The following CRMP1 variants were observed in gnomAD, a reference collection of about 807,000 sequenced individuals.
CRMP1 encodes the protein dihydropyrimidinase-related protein 1.
In CRMP1, 19 loss-of-function variants were observed where a neutral mutation model predicts 68.3. The observed-to-expected ratio is 0.28, with a 90% CI of 0.19 to 0.41. CRMP1 has a LOEUF of 0.41. Among genes scored for constraint, CRMP1 ranks in the 10% least tolerant of loss-of-function variants. CRMP1 has a pLI of 1.00. For missense variants in CRMP1, 791 were observed against 967.4 expected (o/e 0.82, Z 2.42); for synonymous variants, 439 against 399.6 (o/e 1.10, Z -1.18).
rs59152465 is a variant in CRMP1 at position 5,891,212 on chromosome 4, A to ACACACACACACACC, written c.381+1376_381+1377insGGTGTGTGTGTGTG. Among the ~76,000 whole-genome samples, 37 of 147,232 alleles carry ACACACACACACACC rather than the reference A, an allele frequency of 2.5e-4. No homozygotes were observed. The highest frequency in any genetic ancestry group is 7.7e-4 in the African/African-American group (30 of 39,078). ...CACACACACACACACACACACACAC[A>ACACACACACACACC]CCCTTGCTGTTGGACCTCTCCCTCG... On this transcript the variant is annotated intron_variant, in intron 1 of 13. Coordinates refer to ENST00000324989, the MANE Select transcript of CRMP1 (RefSeq NM_001014809.3). This position sits in a 1 kb window ranked among gnomAD's most constrained non-coding sequence, Gnocchi z 5.2.
Position 5,889,565 on chromosome 4 carries a change from A to G in CRMP1, c.381+3024T>C, listed in dbSNP as rs1162728602. ...AAGATGGAGGAAAAGGGGGAGCCCC[A>G]GCAAGCCCCAACCTCACTGGACAGG... On this transcript the variant is annotated intron_variant, in intron 1 of 13. Transcript: ENST00000324989. This position sits in a 1 kb window ranked among gnomAD's most constrained non-coding sequence, Gnocchi z 4.5. 19 of 1,535,670 alleles carry G rather than the reference A, an allele frequency of 1.2e-5. No homozygotes were observed. Among genetic ancestry groups the G allele is most frequent in the Non-Finnish European group, 1.7e-5 (19 of 1,146,594 alleles).
rs1022120190 is a variant in CRMP1 at position 5,839,571 on chromosome 4, G to T, written c.1261C>A (p.Leu421Met). 2.5e-6 allele frequency: 4 copies of T among 1,612,528 alleles called. No homozygotes were observed. Among genetic ancestry groups the T allele is most frequent in the African/African-American group, 1.3e-5 (1 of 75,040 alleles). The change falls in exon 9 of 14, where the codon CTG becomes ATG. Residue 421 changes from leucine (L) to methionine (M), a missense_variant. Leu to Met is a conservative substitution (Grantham distance 15). Around this residue, in one of 3 missense-constraint regions of CRMP1, gnomAD observed 594 missense variants for 763.6 expected, o/e 0.78. Coordinates refer to ENST00000324989, the MANE Select transcript of CRMP1 (RefSeq NM_001014809.3). Reference protein sequence around the residue: ...KAAAFVTSPPLSPDPTTPDYL... With the variant: ...KAAAFVTSPPMSPDPTTPDYL... ...TCGGGCGTGGTAGGGTCCGGGCTCA[G>T]GGGAGGGGAAGTCACGAACGCCGCA...
rs1411233445 is a variant in CRMP1, at chr4:5,892,407, G to A, written c.381+182C>T. Among the ~76,000 whole-genome samples the A allele has an allele frequency of 6.6e-6, 1 of 152,088 alleles. No individual in the cohort carries two copies. Among genetic ancestry groups the A allele is most frequent in the Non-Finnish European group, 1.5e-5 (1 of 67,992 alleles). On this transcript the variant is annotated intron_variant, in intron 1 of 13. Coordinates refer to ENST00000324989, the MANE Select transcript of CRMP1 (RefSeq NM_001014809.3). The surrounding 1 kb of genome is among the most constrained non-coding windows in gnomAD (Gnocchi z 8.6). Reference sequence around the variant, plus strand: ...GACCACGCCGGCCAGCCCCGACCGAGTCGCCCCAGCTCTGGGAACCTCTTG... The same window carrying A: ...GACCACGCCGGCCAGCCCCGACCGAATCGCCCCAGCTCTGGGAACCTCTTG...
chr4:5,875,588 TAGG>T, intron 1 of CRMP1, among the ~76,000 whole-genome samples: 1 of 152,104 alleles, frequency 6.6e-6, no homozygotes. Context: ...ACAATATAAA[TAGG>T]AGTTCAGAAG....
chr4:5,845,072 C>T (rs1255719438), intron 6 of CRMP1, among the ~76,000 whole-genome samples: 1 of 152,164 alleles, frequency 6.6e-6, no homozygotes, highest in Non-Finnish European at 1.5e-5. Context: ...TCACACGCCT[C>T]GGATTGAGCA....
rs981577624 is a variant in CRMP1 at position 5,838,799 on chromosome 4, T to C, written c.1310+723A>G. Among the ~76,000 whole-genome samples, 9 of 151,910 alleles carry C rather than the reference T, an allele frequency of 5.9e-5. No individual in the cohort carries two copies. Among genetic ancestry groups the C allele is most frequent in the African/African-American group, 2.2e-4 (9 of 41,362 alleles). ...AGGTTCCTTCTGCCAAGAAGCCCCA[T>C]CTTATCCTCCCCTATTGGGCAAACT... On this transcript the variant is annotated intron_variant, in intron 9 of 13. Coordinates refer to ENST00000324989, the MANE Select transcript of CRMP1 (RefSeq NM_001014809.3). This position sits in a 1 kb window ranked among gnomAD's most constrained non-coding sequence, Gnocchi z 4.9.
rs941690714 is a variant in CRMP1, at chr4:5,850,832, C to T, written c.882+576G>A. The stretch of plus-strand genomic sequence containing the variant: ...TAAGAAGGCCAGGTGTCCTGTAAGT[C>T]GTAACCACTCCTCCTGAAGAACAAC... On this transcript the variant is annotated intron_variant, in intron 5 of 13. Coordinates refer to ENST00000324989, the MANE Select transcript of CRMP1 (RefSeq NM_001014809.3). This position sits in a 1 kb window ranked among gnomAD's most constrained non-coding sequence, Gnocchi z 4.4. 1.3e-5 allele frequency among the ~76,000 whole-genome samples: 2 copies of T among 152,318 alleles called. No homozygotes were observed. The highest frequency in any genetic ancestry group is 2.1e-4 in the South Asian group (1 of 4,828).
rs1663205791 is a variant in CRMP1, at chr4:5,890,755, C to T, written c.381+1834G>A. On this transcript the variant is annotated intron_variant, in intron 1 of 13. Coordinates refer to ENST00000324989, the MANE Select transcript of CRMP1 (RefSeq NM_001014809.3). This position sits in a 1 kb window ranked among gnomAD's most constrained non-coding sequence, Gnocchi z 5.5. Reference sequence around the variant, plus strand: ...GTCCCCAAGGGTCAGGGCGCAGCTGCGGGGCTGGCCCAGGCTGCGCCCTGG... The same window carrying T: ...GTCCCCAAGGGTCAGGGCGCAGCTGTGGGGCTGGCCCAGGCTGCGCCCTGG... 6.6e-6 allele frequency among the ~76,000 whole-genome samples: 1 copy of T among 152,140 alleles called. No individual in the cohort carries two copies. Among genetic ancestry groups the T allele is most frequent in the African/African-American group, 2.4e-5 (1 of 41,448 alleles).
At chr4:5,831,705 G>T (rs1339808748) in intron 11 of CRMP1, among the ~76,000 whole-genome samples, 1 of 152,190 alleles carries the variant, frequency 6.6e-6, no homozygotes, top group East Asian at 1.9e-4. Context: ...AGCTGCAGAG[G>T]TGTGAGGAGG....
In CRMP1 at chr4:5,889,517, C is replaced by G. The variant is rs770827668; in HGVS notation, c.381+3072G>C. 64 of 1,511,714 alleles carry G rather than the reference C, an allele frequency of 4.2e-5. No individual in the cohort carries two copies. The African/African-American group carries it at 7.5e-4, about 18-fold the overall frequency. The allele number at this position is 1,511,714 out of a possible 1,614,324, so 93.6% of individuals were successfully genotyped here. ...GGTCACAGCTTGACAAGGTCCGTAA[C>G]AGCAGAGGGGAAAAGATGAAAGAAG... On this transcript the variant is annotated intron_variant, in intron 1 of 13. Coordinates refer to ENST00000324989, the MANE Select transcript of CRMP1 (RefSeq NM_001014809.3). This position sits in a 1 kb window ranked among gnomAD's most constrained non-coding sequence, Gnocchi z 4.5.
Position 5,825,020 on chromosome 4 carries a change from A to G in CRMP1, c.1969+474T>C, listed in dbSNP as rs1719320196. Reference sequence around the variant, plus strand: ...TTTCCTCTTTAAATAAATAGGGTATAATGTTACTTTATGGAGTAGTGAGGA... The same window carrying G: ...TTTCCTCTTTAAATAAATAGGGTATGATGTTACTTTATGGAGTAGTGAGGA... On this transcript the variant is annotated intron_variant, in intron 13 of 13. Coordinates refer to ENST00000324989, the MANE Select transcript of CRMP1 (RefSeq NM_001014809.3). The surrounding 1 kb of genome is among the most constrained non-coding windows in gnomAD (Gnocchi z 4.4). The G allele has an allele frequency of 3.0e-6, 3 of 985,248 alleles. No homozygotes were observed. The highest frequency in any genetic ancestry group is 3.6e-6 in the Non-Finnish European group (3 of 829,766). 61.0% of individuals were successfully genotyped at this position (985,248 alleles called of 1,614,324 possible).
intron 6 of CRMP1, among the ~76,000 whole-genome samples, chr4:5,844,473 G>A (rs951797679): frequency 1.4e-4 from 22 of 152,254 alleles, no homozygotes; most frequent in African/African-American, 4.1e-4. Flanking sequence ...AAACAAAGAC[G>A]AGAGTAGGAT....
chr4:5,825,183 T>C lies in CRMP1; in HGVS notation c.1969+311A>G. 13 of 985,398 alleles carry C rather than the reference T, an allele frequency of 1.3e-5. No individual in the cohort carries two copies. The highest frequency in any genetic ancestry group is 1.6e-5 in the Non-Finnish European group (13 of 829,922). 61.0% of individuals were successfully genotyped at this position (985,398 alleles called of 1,614,324 possible). Reference sequence around the variant, plus strand: ...CATCCCCACCACTCCATGTTTACTTTCATGAGGAAGAGTGTGAAAGTGTCC... The same window carrying C: ...CATCCCCACCACTCCATGTTTACTTCCATGAGGAAGAGTGTGAAAGTGTCC... On this transcript the variant is annotated intron_variant, in intron 13 of 13. Transcript: ENST00000324989. This position sits in a 1 kb window ranked among gnomAD's most constrained non-coding sequence, Gnocchi z 4.4.
intron 6 of CRMP1, among the ~76,000 whole-genome samples, chr4:5,845,375 A>G (rs1466071727): frequency 6.6e-6 from 1 of 152,228 alleles, no homozygotes; most frequent in Non-Finnish European, 1.5e-5. Context: ...GCTCTGAAGG[A>G]AGCCGCCTCG....
chr4:5,887,511 C>G, intron 1 of CRMP1: 1 of 984,988 alleles, frequency 1.0e-6, no homozygotes, highest in Non-Finnish European at 1.2e-6. Flanking sequence ...CGAGACAAAG[C>G]GTAAAGACGG....
chr4:5,890,489 G>C lies in CRMP1; in HGVS notation c.381+2100C>G, dbSNP rs374829748. ...AGCGGTGAGGCCCGCCCCGGAACCC[G>C]AGCCCACTGTAACCCAAGCCTCAAG... On this transcript the variant is annotated intron_variant, in intron 1 of 13. Transcript: ENST00000324989. The surrounding 1 kb of genome is among the most constrained non-coding windows in gnomAD (Gnocchi z 5.5). 3.3e-5 allele frequency among the ~76,000 whole-genome samples: 5 copies of C among 152,224 alleles called. No individual in the cohort carries two copies. Among genetic ancestry groups the C allele is most frequent in the Admixed American group, 6.5e-5 (1 of 15,292 alleles).
rs1011560763 is a variant in CRMP1 at position 5,860,601 on chromosome 4, C to T, written c.655+425G>A. 6.6e-6 allele frequency among the ~76,000 whole-genome samples: 1 copy of T among 151,614 alleles called. No homozygotes were observed. The highest frequency in any genetic ancestry group is 2.0e-4 in the East Asian group (1 of 5,088). The stretch of plus-strand genomic sequence containing the variant: ...ATACCTATGTCACTGGTTCTGAAAC[C>T]ATAGCCATCTTCACATCATGTTGAA... On this transcript the variant is annotated intron_variant, in intron 3 of 13. Transcript: ENST00000324989. This position sits in a 1 kb window ranked among gnomAD's most constrained non-coding sequence, Gnocchi z 4.2.
rs1714523887 is a variant in CRMP1 at position 5,872,430 on chromosome 4, T to A, written c.382-5674A>T. Reference sequence around the variant, plus strand: ...GGCCAGGTGCGGTGGCTCACGCCTGTAATCCCAGCACTTTGGGAGGCCGAG... The same window carrying A: ...GGCCAGGTGCGGTGGCTCACGCCTGAAATCCCAGCACTTTGGGAGGCCGAG... On this transcript the variant is annotated intron_variant, in intron 1 of 13. Transcript: ENST00000324989. The surrounding 1 kb of genome is among the most constrained non-coding windows in gnomAD (Gnocchi z 4.6). Among the ~76,000 whole-genome samples the A allele has an allele frequency of 2.0e-5, 3 of 152,210 alleles. No homozygotes were observed. The highest frequency in any genetic ancestry group is 7.2e-5 in the African/African-American group (3 of 41,452).
At chr4:5,880,416 T>C (rs189124993) in intron 1 of CRMP1, among the ~76,000 whole-genome samples, 3 of 152,316 alleles carry the variant, frequency 2.0e-5, no homozygotes, top group Admixed American at 1.3e-4. Context: ...CAACATAATT[T>C]GGGGGCAGGT....
Sources: gnomAD v4.1 joint callset for allele counts (sites outside exome capture counted in the v4.1 genomes callset) on GRCh38, gnomAD v4.1.1 for gene constraint, gnomAD v4.1.1 regional missense constraint, Gnocchi (gnomAD v3.1) non-coding constraint, MANE v1.5 for transcripts, NCBI Gene and HGNC (gene_info 2026-07-23, HGNC 2026-07-21) for gene names.